KCNIP4: variants seen among roughly 807,000 people sequenced by gnomAD.
KCNIP4 encodes Kv channel-interacting protein 4.
KCNIP4 carries 12 observed loss-of-function variants against 34.0 expected under a neutral mutation model. That is an observed-to-expected ratio of 0.35 (90% CI 0.23 to 0.57). The LOEUF (loss-of-function observed/expected upper bound fraction) is 0.57, where lower values mean the gene tolerates loss of function less well. Ranked by LOEUF, KCNIP4 falls within the 20% of genes least tolerant of loss-of-function variation. KCNIP4 has a pLI of 0.83. For synonymous variants in KCNIP4, 124 were observed against 102.2 expected, an observed-to-expected ratio of 1.21 and a Z score of -1.29; for missense variants, 238 against 311.7, an observed-to-expected ratio of 0.76 and a Z score of 1.78.
At chr4:21,911,153 A>G (rs985345747) in intron 1 of KCNIP4, among the ~76,000 whole-genome samples, 6 of 152,184 alleles carry the variant, frequency 3.9e-5, no homozygotes, top group Admixed American at 1.3e-4. Flanking sequence ...CTCTTTACAA[A>G]AAAGGAGTTC....
chr4:21,117,320 C>T (rs996958941), intron 1 of KCNIP4, among the ~76,000 whole-genome samples: 2 of 75,156 alleles, frequency 2.7e-5, no homozygotes, highest in Non-Finnish European at 3.0e-5. Flanking sequence ...GGGGGGGGGG[C>T]GCTGTTTTTC....
rs1444309136 is a variant in KCNIP4, at chr4:20,845,656, C to CA, written c.288+4886dup. ...ATGCCACACCCATGACTGTACTACC[C>CA]ATTAGAGGACTAGAGAGACCCTCCG... is the stretch of plus-strand genomic sequence containing the variant. On this transcript the variant is annotated intron_variant, in intron 3 of 8. Transcript: ENST00000382152. Among the ~76,000 whole-genome samples the CA allele has an allele frequency of 2.0e-5, 3 of 152,246 alleles. No homozygotes were observed. The East Asian group carries it at 5.8e-4, about 29-fold the overall frequency.
At chr4:21,569,904 G>A (rs1053664675) in intron 1 of KCNIP4, among the ~76,000 whole-genome samples, 1 of 152,100 alleles carries the variant, frequency 6.6e-6, no homozygotes, top group African/African-American at 2.4e-5. Flanking sequence ...ACCACTGAGG[G>A]GGCCTGGCTG....
chr4:21,507,642 A>G (rs1209749987), intron 1 of KCNIP4, among the ~76,000 whole-genome samples: 1 of 152,192 alleles, frequency 6.6e-6, no homozygotes, highest in Admixed American at 6.6e-5. Flanking sequence ...TGTTGGAGAC[A>G]AATACAGTAC....
At chr4:21,703,560 A>G (rs917503080) in intron 1 of KCNIP4, among the ~76,000 whole-genome samples, 3 of 152,138 alleles carry the variant, frequency 2.0e-5, no homozygotes, top group African/African-American at 7.2e-5. Context: ...GATACTAGCT[A>G]AGTATTCAAT....
intron 1 of KCNIP4, among the ~76,000 whole-genome samples, chr4:21,142,315 G>T (rs1490977674): frequency 6.6e-6 from 1 of 152,112 alleles, no homozygotes; most frequent in Non-Finnish European, 1.5e-5. Context: ...ATGAAAAAGA[G>T]CTTAGGCCAC....
chr4:20,924,682 T>C (rs1729726096), intron 1 of KCNIP4, among the ~76,000 whole-genome samples: 2 of 152,210 alleles, frequency 1.3e-5, no homozygotes, highest in African/African-American at 2.4e-5. Flanking sequence ...GGTAATAAAA[T>C]GCATTAACTT....
At chr4:21,122,696 A>G (rs1225316949) in intron 1 of KCNIP4, among the ~76,000 whole-genome samples, 2 of 152,146 alleles carry the variant, frequency 1.3e-5, no homozygotes, top group African/African-American at 4.8e-5. Context: ...GAGAATGAGG[A>G]TGAGGAAGTG....
chr4:21,700,261 T>A (rs1252470617), intron 1 of KCNIP4, among the ~76,000 whole-genome samples: 6 of 152,214 alleles, frequency 3.9e-5, no homozygotes, highest in African/African-American at 9.6e-5. Context: ...ATCTTTTGTC[T>A]TTTGGCTAAT....
rs188761950 is a variant in KCNIP4 at position 20,928,711 on chromosome 4, C to T, written c.62-46002G>A. ...GATAGGTAAACAAAATTCACAAACT[C>T]CTAACTACCTAAGGAAAAAGACTCA... On this transcript the variant is annotated intron_variant, in intron 1 of 8. Coordinates refer to ENST00000382152, the MANE Select transcript of KCNIP4 (RefSeq NM_025221.6). 4.1e-3 allele frequency among the ~76,000 whole-genome samples: 617 copies of T among 151,830 alleles called. 5 individuals carry two copies. Among genetic ancestry groups the T allele is most frequent in the African/African-American group, 0.014 (572 of 41,490 alleles).
At chr4:20,973,532 G>C (rs1735179897) in intron 1 of KCNIP4, among the ~76,000 whole-genome samples, 1 of 152,210 alleles carries the variant, frequency 6.6e-6, no homozygotes, top group African/African-American at 2.4e-5. Flanking sequence ...CGTGTTCAGT[G>C]AAGTAGCACT....
intron 5 of KCNIP4, among the ~76,000 whole-genome samples, chr4:20,748,767 T>C (rs995548780): frequency 1.3e-5 from 2 of 150,134 alleles, no homozygotes; most frequent in Non-Finnish European, 3.0e-5. Context: ...AATAAAAGCC[T>C]TCACAGCTGA....
At chr4:21,329,830 C>T (rs938786673) in intron 1 of KCNIP4, among the ~76,000 whole-genome samples, 7 of 152,156 alleles carry the variant, frequency 4.6e-5, no homozygotes. Context: ...GCATTGTTAG[C>T]CTAATTACTG....
intron 1 of KCNIP4, among the ~76,000 whole-genome samples, chr4:21,303,058 T>C (rs1480156701): frequency 6.6e-6 from 1 of 152,210 alleles, no homozygotes; most frequent in East Asian, 1.9e-4. Context: ...TAGAAAATTA[T>C]AATGTAAATT....
chr4:21,777,053 A>T (rs963009821), intron 1 of KCNIP4, among the ~76,000 whole-genome samples: 1 of 152,130 alleles, frequency 6.6e-6, no homozygotes. Flanking sequence ...TATTACAGGC[A>T]TGAGCTACCG....
At chr4:21,432,499 T>A (rs1726581431) in intron 1 of KCNIP4, among the ~76,000 whole-genome samples, 1 of 152,102 alleles carries the variant, frequency 6.6e-6, no homozygotes, top group Non-Finnish European at 1.5e-5. Context: ...TCAACAGTCC[T>A]AATGAGTGCG....
At chr4:21,466,073 C>T (rs1237335711) in intron 1 of KCNIP4, among the ~76,000 whole-genome samples, 1 of 152,148 alleles carries the variant, frequency 6.6e-6, no homozygotes, top group Non-Finnish European at 1.5e-5. Flanking sequence ...CCAGCCCTTA[C>T]AACACACAAG....
At chr4:21,228,115 A>T (rs570658819) in intron 1 of KCNIP4, among the ~76,000 whole-genome samples, 15 of 152,286 alleles carry the variant, frequency 9.8e-5, no homozygotes, top group African/African-American at 3.6e-4. Context: ...AAACAGCCTG[A>T]TGTGATTTGG....
intron 1 of KCNIP4, among the ~76,000 whole-genome samples, chr4:21,917,914 T>C (rs547226764): frequency 6.6e-6 from 1 of 152,324 alleles, no homozygotes; most frequent in East Asian, 1.9e-4. Context: ...AATTCTGTTA[T>C]TAGATAGATA....
Sources: allele counts gnomAD v4.1 joint callset (sites outside exome capture counted in the v4.1 genomes callset), GRCh38; gene constraint gnomAD v4.1.1; transcripts MANE v1.5; gene names NCBI Gene and HGNC (gene_info 2026-07-23, HGNC 2026-07-21).